FRMD6: variants seen among roughly 807,000 people sequenced by gnomAD.
The protein encoded by FRMD6 is FERM domain containing 6.
FRMD6 carries 37 observed loss-of-function variants against 73.2 expected under a neutral mutation model. The observed-to-expected ratio is 0.51, with a 90% CI of 0.39 to 0.66. FRMD6 has a LOEUF of 0.66. Among genes scored for constraint, FRMD6 ranks in the 30% least tolerant of loss-of-function variants. The pLI is 0.00. For synonymous variants in FRMD6, 273 were observed against 282.2 expected (o/e 0.97, Z 0.33); for missense variants, 714 against 780.5 (o/e 0.91, Z 1.02).
intron 2 of FRMD6, among the ~76,000 whole-genome samples, chr14:51,625,031 G>A (rs73290931): frequency 1.6e-3 from 243 of 152,262 alleles, no homozygotes; most frequent in African/African-American, 5.4e-3. Flanking sequence ...CTTGAAGACT[G>A]CACAGTTAAC....
At chr14:51,668,041 A>G (rs1893726077) in intron 1 of FRMD6, among the ~76,000 whole-genome samples, 1 of 152,208 alleles carries the variant, frequency 6.6e-6, no homozygotes, top group Non-Finnish European at 1.5e-5. Flanking sequence ...CATTTGCTTT[A>G]ATTACTGCCT....
intron 1 of FRMD6, among the ~76,000 whole-genome samples, chr14:51,498,125 G>C (rs935604421): frequency 6.6e-6 from 1 of 152,048 alleles, no homozygotes; most frequent in Non-Finnish European, 1.5e-5. Flanking sequence ...TAATTCATCC[G>C]TCTTTCTTCT....
At chr14:51,454,297 A>C in the FRMD6 span, among the ~76,000 whole-genome samples, 1 of 152,252 alleles carries the variant, frequency 6.6e-6, no homozygotes, top group Non-Finnish European at 1.5e-5. Context: ...AAAGCAATGT[A>C]TGTCCTTTGT....
chr14:51,550,968 TTC>T (rs1886791506), intron 1 of FRMD6, among the ~76,000 whole-genome samples: 1 of 152,210 alleles, frequency 6.6e-6, no homozygotes, highest in Admixed American at 6.5e-5. Context: ...CACTCCCTGT[TTC>T]TCTGTGTTGG....
chr14:51,549,904 A>G (rs1484470990), intron 1 of FRMD6, among the ~76,000 whole-genome samples: 1 of 152,174 alleles, frequency 6.6e-6, no homozygotes, highest in Non-Finnish European at 1.5e-5. Context: ...CAGCTGGAGT[A>G]TAAACCTTTT....
chr14:51,687,505 A>G (rs1363345201), intron 1 of FRMD6, among the ~76,000 whole-genome samples: 1 of 152,174 alleles, frequency 6.6e-6, no homozygotes, highest in Non-Finnish European at 1.5e-5. Context: ...GTATCTCTAA[A>G]TGGTATGCCT....
the FRMD6 span, among the ~76,000 whole-genome samples, chr14:51,467,660 G>A: frequency 3.3e-5 from 5 of 151,488 alleles, no homozygotes; most frequent in East Asian, 2.0e-4. Flanking sequence ...GGGTGGTGGC[G>A]GGGCAGAGAC....
intron 2 of FRMD6, among the ~76,000 whole-genome samples, chr14:51,614,076 C>T (rs1890617788): frequency 1.3e-5 from 2 of 152,190 alleles, no homozygotes; most frequent in Non-Finnish European, 2.9e-5. Context: ...AGTGCAGCTA[C>T]AGGCACTTCC....
Position 51,719,798 on chromosome 14 carries a change from A to C in FRMD6, c.1025-257A>C, listed in dbSNP as rs539458936. Among the ~76,000 whole-genome samples, 7 of 152,346 alleles carry C rather than the reference A, an allele frequency of 4.6e-5. No individual in the cohort carries two copies. The East Asian group carries it at 1.2e-3, about 25-fold the overall frequency. ...CAGACAAGAAGTGGTCTGTAACTGCACTTTAAATACCACTCTTCTTATACT... is the reference window on the plus strand; with the variant it reads ...CAGACAAGAAGTGGTCTGTAACTGCCCTTTAAATACCACTCTTCTTATACT... On this transcript the variant is annotated intron_variant, in intron 10 of 13. Coordinates refer to ENST00000344768, the MANE Select transcript of FRMD6 (RefSeq NM_001267046.2).
chr14:51,614,213 G>GT (rs1008264335), intron 2 of FRMD6, among the ~76,000 whole-genome samples: 1 of 151,860 alleles, frequency 6.6e-6, no homozygotes, highest in African/African-American at 2.4e-5. Flanking sequence ...GGGTTGGTTG[G>GT]TTTTTTTGTT....
At position 51,683,027 on chromosome 14, in the gene FRMD6, AACCCATAC is replaced by A. The variant is rs1487702042; in HGVS notation, c.-146-6655_-146-6648del. Among the ~76,000 whole-genome samples, 3 of 152,168 alleles carry A rather than the reference AACCCATAC, an allele frequency of 2.0e-5. No individual in the cohort carries two copies. In the East Asian group the frequency reaches 5.8e-4, roughly 29 times the overall value. ...TCTTTGGTCAGCCAGCACACATTTC[AACCCATAC>A]ACCCATACGCACTGTCTTTCAGTAC... is the stretch of plus-strand genomic sequence containing the variant. On this transcript the variant is annotated intron_variant, in intron 1 of 13. Coordinates refer to ENST00000344768, the MANE Select transcript of FRMD6 (RefSeq NM_001267046.2).
chr14:51,566,125 A>G (rs1432095673), intron 1 of FRMD6, among the ~76,000 whole-genome samples: 1 of 152,256 alleles, frequency 6.6e-6, no homozygotes, highest in Non-Finnish European at 1.5e-5. Flanking sequence ...AGATCATGCC[A>G]GTGAACTCTA....
chr14:51,704,666 T>G, intron 5 of FRMD6, 83 bp from the exon 6 acceptor site: 2 of 1,123,194 alleles, frequency 1.8e-6, no homozygotes, highest in Non-Finnish European at 1.3e-6. Flanking sequence ...TGTCACCAGA[T>G]GGAGAGAAGG....
At chr14:51,413,051 C>A in the FRMD6 span, among the ~76,000 whole-genome samples, 2 of 145,180 alleles carry the variant, frequency 1.4e-5, no homozygotes, top group Non-Finnish European at 3.0e-5. Flanking sequence ...AGCGCAGTGG[C>A]GTGATCTCAA....
At chr14:51,540,302 A>G (rs554672069) in intron 1 of FRMD6, among the ~76,000 whole-genome samples, 2 of 152,286 alleles carry the variant, frequency 1.3e-5, no homozygotes, top group African/African-American at 2.4e-5. Flanking sequence ...GCCGGACAGA[A>G]GGAAAATGTT....
At chr14:51,704,965 G>T (rs200665599) in intron 6 of FRMD6, 30 bp downstream of exon 6, 1 of 1,574,808 alleles carries the variant, frequency 6.3e-7, no homozygotes. Context: ...TCGAAAGAGT[G>T]TTTTCTCTCG....
At chr14:51,644,771 T>C (rs1420451839) in intron 2 of FRMD6, among the ~76,000 whole-genome samples, 2 of 152,240 alleles carry the variant, frequency 1.3e-5, no homozygotes, top group African/African-American at 4.8e-5. Context: ...AAAATGCTGA[T>C]TCTGTTTTTC....
intron 1 of FRMD6, among the ~76,000 whole-genome samples, chr14:51,666,129 A>T (rs1187347460): frequency 6.6e-6 from 1 of 152,220 alleles, no homozygotes; most frequent in African/African-American, 2.4e-5. Context: ...ACTTCCTCAA[A>T]TAGTGCTTTC....
At chr14:51,503,857 T>G (rs1883773620) in intron 1 of FRMD6, among the ~76,000 whole-genome samples, 1 of 54,066 alleles carries the variant, frequency 1.8e-5, no homozygotes, top group African/African-American at 8.9e-5. Flanking sequence ...GGTTTTGGGT[T>G]TTTTTTTGGG....
Sources: gnomAD v4.1 joint callset for allele counts (sites outside exome capture counted in the v4.1 genomes callset) on GRCh38, gnomAD v4.1.1 for gene constraint, MANE v1.5 for transcripts, NCBI Gene and HGNC (gene_info 2026-07-23, HGNC 2026-07-21) for gene names.